MAP4K3: variants seen among roughly 807,000 people sequenced by gnomAD.
MAP4K3 encodes the protein mitogen-activated protein kinase kinase kinase kinase 3.
MAP4K3 carries 94 observed loss-of-function variants against 143.5 expected under a neutral mutation model. The ratio of observed to expected loss-of-function variants is 0.65; its 90% CI spans 0.55 to 0.78. MAP4K3 has a LOEUF of 0.78. Ranked by LOEUF, MAP4K3 falls within the 30% of genes least tolerant of loss-of-function variation. MAP4K3 has a pLI of 0.00. For missense variants in MAP4K3, 1,077 were observed against 1,068.1 expected, an observed-to-expected ratio of 1.01 and a Z score of -0.12; for synonymous variants, 416 against 347.2, an observed-to-expected ratio of 1.20 and a Z score of -2.20.
At chr2:39,387,401 A>T (rs1455147811) in intron 1 of MAP4K3, among the ~76,000 whole-genome samples, 3 of 152,204 alleles carry the variant, frequency 2.0e-5, no homozygotes, top group Non-Finnish European at 2.9e-5. Context: ...TTAGATATTG[A>T]TATCTTTCAT....
intron 26 of MAP4K3, among the ~76,000 whole-genome samples, chr2:39,268,049 A>G (rs1680838526): frequency 6.6e-6 from 1 of 152,132 alleles, no homozygotes. Context: ...TTATTATAAA[A>G]ATTTGTGAAG....
In MAP4K3 at chr2:39,254,434, G is replaced by A; in HGVS notation, c.2541+16C>T. 1 of 1,599,348 alleles carries A rather than the reference G, an allele frequency of 6.3e-7. No homozygotes were observed. Among genetic ancestry groups the A allele is most frequent in the Non-Finnish European group, 8.6e-7 (1 of 1,167,078 alleles). ...GATAATGTCTTGTGACTACTTAATG[G>A]ACATAATTTACTTACCTCATTAGAT... is the stretch of plus-strand genomic sequence containing the variant. On this transcript the variant is annotated intron_variant, in intron 32 of 33. Coordinates refer to ENST00000263881, the MANE Select transcript of MAP4K3 (RefSeq NM_003618.4).
intron 1 of MAP4K3, among the ~76,000 whole-genome samples, chr2:39,386,876 T>C (rs887749106): frequency 2.8e-4 from 43 of 151,122 alleles, no homozygotes; most frequent in South Asian, 6.3e-4. Context: ...AGTGCAGTGA[T>C]ACAATCTCAG....
In MAP4K3 at chr2:39,251,865, A is replaced by C; in HGVS notation, c.2562T>G (p.Asp854Glu). 6.2e-7 allele frequency: 1 copy of C among 1,613,684 alleles called. No individual in the cohort carries two copies. The highest frequency in any genetic ancestry group is 1.1e-5 in the South Asian group (1 of 91,030). Residue 854 changes from aspartate (D) to glutamate (E), a missense_variant, in exon 33 of 34, where the codon GAT becomes GAG. Asp to Glu is a conservative substitution (Grantham distance 45). Around this residue, in one of 2 missense-constraint regions of MAP4K3, gnomAD observed 864 missense variants for 801.2 expected, o/e 1.08. Coordinates refer to ENST00000263881, the MANE Select transcript of MAP4K3 (RefSeq NM_003618.4). ...RSNEVTQEISDSTRIFRLLGS... is the reference protein window; with the variant it reads ...RSNEVTQEISESTRIFRLLGS... ...CAAGCAGCCTGAAAATTCTTGTGCT[A>C]TCTGAAATTTCTTGTGTTACCTGTT...
At chr2:39,279,622 T>G (rs1260469887) in intron 23 of MAP4K3, among the ~76,000 whole-genome samples, 1 of 152,136 alleles carries the variant, frequency 6.6e-6, no homozygotes, top group Non-Finnish European at 1.5e-5. Context: ...CCCCGGATCC[T>G]TGGTAGCTAA....
At chr2:39,419,817 T>C (rs1352505626) in intron 1 of MAP4K3, among the ~76,000 whole-genome samples, 1 of 152,238 alleles carries the variant, frequency 6.6e-6, no homozygotes, top group East Asian at 1.9e-4. Context: ...GTGTGTGGAC[T>C]GTTTCTGCAA....
intron 2 of MAP4K3, among the ~76,000 whole-genome samples, chr2:39,371,923 T>C (rs1032126464): frequency 6.7e-6 from 1 of 150,348 alleles, no homozygotes; most frequent in Non-Finnish European, 1.5e-5. Flanking sequence ...TATATTTATA[T>C]ATTAAATTTT....
At chr2:39,350,673 T>C (rs1307295971) in intron 3 of MAP4K3, among the ~76,000 whole-genome samples, 1 of 152,208 alleles carries the variant, frequency 6.6e-6, no homozygotes, top group Non-Finnish European at 1.5e-5. Flanking sequence ...TGGATTACTG[T>C]AATAAATACA....
intron 14 of MAP4K3, 131 bp downstream of exon 14, chr2:39,309,330 G>A (rs982789689): frequency 1.6e-6 from 1 of 621,658 alleles, no homozygotes; most frequent in South Asian, 2.2e-5. Flanking sequence ...TTACTATGTT[G>A]ACCAGGCTGG....
chr2:39,293,031 C>A (rs538024583), intron 17 of MAP4K3, among the ~76,000 whole-genome samples, 199 bp downstream of exon 17: 1 of 151,974 alleles, frequency 6.6e-6, no homozygotes, highest in Admixed American at 6.6e-5. Context: ...GTGGAAAGAT[C>A]GCTTGAGCCC....
chr2:39,260,225 C>T (rs548727013), intron 29 of MAP4K3, among the ~76,000 whole-genome samples: 1 of 152,200 alleles, frequency 6.6e-6, no homozygotes, highest in African/African-American at 2.4e-5. Context: ...GTAATCCTCC[C>T]ATCTTGGCCT....
intron 1 of MAP4K3, among the ~76,000 whole-genome samples, chr2:39,379,121 T>A (rs1461657682): frequency 1.3e-5 from 2 of 152,062 alleles, no homozygotes; most frequent in Non-Finnish European, 2.9e-5. Flanking sequence ...CACTCTCTTA[T>A]TAATGGATTG....
intron 3 of MAP4K3, among the ~76,000 whole-genome samples, chr2:39,349,973 T>A (rs938155544): frequency 3.7e-4 from 56 of 152,210 alleles, no homozygotes; most frequent in Middle Eastern, 3.2e-3. Flanking sequence ...GTAGTAGTTC[T>A]TAACTGGGAG....
chr2:39,287,943 A>T (rs1681869973), intron 20 of MAP4K3, among the ~76,000 whole-genome samples, 178 bp downstream of exon 20: 1 of 152,160 alleles, frequency 6.6e-6, no homozygotes, highest in South Asian at 2.1e-4. Flanking sequence ...TGTCATAGGG[A>T]ATCCTGTCAT....
intron 2 of MAP4K3, among the ~76,000 whole-genome samples, chr2:39,368,186 T>C (rs1209907507): frequency 6.6e-6 from 1 of 152,146 alleles, no homozygotes; most frequent in Non-Finnish European, 1.5e-5. Flanking sequence ...CTAAAAATTA[T>C]GGCAGCAACC....
chr2:39,365,468 C>T (rs932800606), intron 2 of MAP4K3, among the ~76,000 whole-genome samples: 12 of 121,990 alleles, frequency 9.8e-5, no homozygotes, highest in East Asian at 4.8e-4. Flanking sequence ...GACGGAGTCT[C>T]GCTCTGTCGC....
intron 20 of MAP4K3, 115 bp from the exon 21 acceptor site, chr2:39,287,079 G>T: frequency 1.8e-6 from 1 of 564,922 alleles, no homozygotes; most frequent in Non-Finnish European, 3.1e-6. Flanking sequence ...TTATTCATTT[G>T]GGATCACCCA....
At chr2:39,274,672 G>C (rs542224917) in intron 24 of MAP4K3, among the ~76,000 whole-genome samples, 52 of 152,182 alleles carry the variant, frequency 3.4e-4, no homozygotes, top group African/African-American at 1.2e-3. Context: ...ATTCTGCCTA[G>C]ACTCATATAT....
At chr2:39,346,022 G>A (rs1012435705) in intron 3 of MAP4K3, among the ~76,000 whole-genome samples, 7 of 148,036 alleles carry the variant, frequency 4.7e-5, no homozygotes, top group African/African-American at 1.7e-4. Context: ...CAATGAAATT[G>A]AAGCATACAG....
Sources: gnomAD v4.1 joint callset for allele counts (sites outside exome capture counted in the v4.1 genomes callset) on GRCh38, gnomAD v4.1.1 for gene constraint, gnomAD v4.1.1 regional missense constraint, MANE v1.5 for transcripts, NCBI Gene and HGNC (gene_info 2026-07-23, HGNC 2026-07-21) for gene names.